The following CSPG4 variants were observed in gnomAD, a reference collection of about 807,000 sequenced individuals.
The protein encoded by CSPG4 is chondroitin sulfate proteoglycan 4 (melanoma-associated).
In CSPG4, 74 loss-of-function variants were observed where a neutral mutation model predicts 139.3. That is an observed-to-expected ratio of 0.53 (90% CI 0.44 to 0.64). The LOEUF (loss-of-function observed/expected upper bound fraction) is 0.64. CSPG4 is among the 30% of genes least tolerant of loss of function. The pLI, the probability that CSPG4 is intolerant of heterozygous loss-of-function variation, is 0.00. For synonymous variants in CSPG4, 1,234 were observed against 1,394.2 expected (o/e 0.89, Z 2.56); for missense variants, 2,565 against 3,148.3 (o/e 0.81, Z 4.43).
At chr15:75,677,563 CTTCCCCACTCACCCTCCCTG>C in intron 9 of CSPG4, 120 bp downstream of exon 9, 1 of 1,211,044 alleles carries the variant, frequency 8.3e-7, no homozygotes, top group Non-Finnish European at 1.1e-6. Flanking sequence ...GATGTCAAAG[CTTCCCCACTCACCCTCCCTG>C]TGACTTCCCA....
chr15:75,689,809 G>A lies in CSPG4; in HGVS notation c.1256C>T (p.Pro419Leu). 1.2e-6 allele frequency: 2 copies of A among 1,612,742 alleles called. No homozygotes were observed. Among genetic ancestry groups the A allele is most frequent in the Admixed American group, 1.7e-5 (1 of 60,014 alleles). Residue 419 changes from proline to leucine, a missense_variant, in exon 3 of 10, where the codon CCA (proline) becomes CTA (leucine). Transcript: ENST00000308508. Reference sequence around the variant, plus strand: ...ATTGGCAAAGACAGGAGGCAGCCCTGGCTCAGGCACGCATGGCTCAGGCAG... The same window carrying A: ...ATTGGCAAAGACAGGAGGCAGCCCTAGCTCAGGCACGCATGGCTCAGGCAG... ...MELPEPCVPEPGLPPVFANFT... is the reference protein window; with the variant it reads ...MELPEPCVPELGLPPVFANFT...
chr15:75,684,683 C>T (rs941642800), intron 5 of CSPG4, 53 bp downstream of exon 5: 11 of 1,561,332 alleles, frequency 7.0e-6, no homozygotes, highest in African/African-American at 6.8e-5. Flanking sequence ...AAGTAGGGGA[C>T]GCTGGCCTCT....
Position 75,689,174 on chromosome 15 carries a change from G to A in CSPG4, c.1891C>T (p.Arg631Cys), listed in dbSNP as rs562100526. The change falls in exon 3 of 10, where the codon CGC becomes TGC. Residue 631 changes from arginine (R) to cysteine (C), a missense_variant. By Grantham distance (180) the Arg-to-Cys change is radical. This residue lies in a region of CSPG4 where 2,316 missense variants were observed against 2,818.2 expected (regional missense o/e 0.82). Coordinates refer to ENST00000308508, the MANE Select transcript of CSPG4 (RefSeq NM_001897.5). ...GTCAAGTCCTGTGCAGGACCACCGC[G>A]GTGGACATAGACTAGGCTGCCGGCC... ...LEAGSLVYVH[R>C]GGPAQDLTFR... The A allele has an allele frequency of 2.1e-5, 34 of 1,603,428 alleles. No individual in the cohort carries two copies. Among genetic ancestry groups the A allele is most frequent in the Admixed American group, 6.7e-5 (4 of 59,620 alleles).
At position 75,696,798 on chromosome 15, in the gene CSPG4, G is replaced by C. The variant is rs1346198624; in HGVS notation, c.89-3565C>G. On this transcript the variant is annotated intron_variant, in intron 1 of 9. Coordinates refer to ENST00000308508, the MANE Select transcript of CSPG4 (RefSeq NM_001897.5). This position sits in a 1 kb window ranked among gnomAD's most constrained non-coding sequence, Gnocchi z 4.2. ...CCTTCTTCCTGAGATCTAGGCCTGG[G>C]GGCACAGAAAAAGCCTGTTTCCTTC... is the stretch of plus-strand genomic sequence containing the variant. 6.6e-6 allele frequency among the ~76,000 whole-genome samples: 1 copy of C among 152,174 alleles called. No individual in the cohort carries two copies. The highest frequency in any genetic ancestry group is 2.4e-5 in the African/African-American group (1 of 41,434).
At chr15:75,706,299 C>T (rs545471040) in intron 1 of CSPG4, among the ~76,000 whole-genome samples, 8 of 152,340 alleles carry the variant, frequency 5.3e-5, no homozygotes, top group Non-Finnish European at 1.0e-4. Context: ...GAACGAGGCA[C>T]TGTGTCCTGA....
chr15:75,682,847 G>A lies in CSPG4; in HGVS notation c.4644C>T (p.His1548=). ...GGCCCGGCCCTCAGCACCCACCTCT[G>A]TGTGAGAACAGCACGAGCCCGCCGT... is the stretch of plus-strand genomic sequence containing the variant. The part of the protein sequence containing the change: ...QLDGGLVLFS[H]RGTLDGGFRF... Residue 1548 remains histidine, a synonymous_variant, in exon 6 of 10, where the codon CAC becomes CAT. Transcript: ENST00000308508. The A allele has an allele frequency of 6.2e-7, 1 of 1,609,448 alleles. No individual in the cohort carries two copies. Among genetic ancestry groups the A allele is most frequent in the Non-Finnish European group, 8.5e-7 (1 of 1,178,866 alleles).
At chr15:75,704,690 C>T (rs981976097) in intron 1 of CSPG4, among the ~76,000 whole-genome samples, 1 of 152,178 alleles carries the variant, frequency 6.6e-6, no homozygotes, top group Non-Finnish European at 1.5e-5. Flanking sequence ...GCTGTGCACC[C>T]CACTCTGCAG....
Position 75,688,154 on chromosome 15 carries a change from C to T in CSPG4, c.2911G>A (p.Val971Ile). Reference protein sequence around the residue: ...TNEDLLRGRLVYQHDDSETTE... With the variant: ...TNEDLLRGRLIYQHDDSETTE... ...GTCTCGGAGTCATCATGCTGGTAGA[C>T]CAGCCGGCCACGCAACAGGTCTTCA... is the stretch of plus-strand genomic sequence containing the variant. Residue 971 changes from valine (V) to isoleucine (I), a missense_variant, in exon 3 of 10, where the codon GTC becomes ATC. By Grantham distance (29) the Val-to-Ile change is conservative. Transcript: ENST00000308508. 1 of 1,612,808 alleles carries T rather than the reference C, an allele frequency of 6.2e-7. No individual in the cohort carries two copies.
rs1429492306 is a variant in CSPG4 at position 75,688,592 on chromosome 15, C to T, written c.2473G>A (p.Val825Met). 1.2e-6 allele frequency: 2 copies of T among 1,612,886 alleles called. No individual in the cohort carries two copies. Among genetic ancestry groups the T allele is most frequent in the Non-Finnish European group, 8.5e-7 (1 of 1,179,976 alleles). The change falls in exon 3 of 10, where the codon GTG becomes ATG. Residue 825 changes from valine (V) to methionine (M), a missense_variant. By Grantham distance (21) the Val-to-Met change is conservative. Coordinates refer to ENST00000308508, the MANE Select transcript of CSPG4 (RefSeq NM_001897.5). The stretch of plus-strand genomic sequence containing the variant: ...TTGCCTTTCCTGGGAGCCTGAACCA[C>T]CTCATAATGGAAGGTTGGGGGGCTT... ...GPSPPTFHYEVVQAPRKGNLQ... is the reference protein window; with the variant it reads ...GPSPPTFHYEMVQAPRKGNLQ...
rs1893862952 is a variant in CSPG4 at position 75,674,600 on chromosome 15, A to G, written c.*950T>C. The stretch of plus-strand genomic sequence containing the variant: ...GCAGACAAGGGCCCAGTGCATAGTT[A>G]AGACACAAACACCACACAGCTGTCC... On this transcript the variant is annotated 3_prime_UTR_variant, in exon 10 of 10. Coordinates refer to ENST00000308508, the MANE Select transcript of CSPG4 (RefSeq NM_001897.5). 6 of 397,538 alleles carry G rather than the reference A, an allele frequency of 1.5e-5. No individual in the cohort carries two copies. In the East Asian group the frequency reaches 2.1e-4, roughly 14 times the overall value. 24.6% of individuals were successfully genotyped at this position (397,538 alleles called of 1,614,324 possible).
intron 5 of CSPG4, 29 bp from the exon 6 acceptor site, chr15:75,683,070 C>T: frequency 6.3e-7 from 1 of 1,594,692 alleles, no homozygotes; most frequent in Non-Finnish European, 8.5e-7. Flanking sequence ...GAAGGTTCTG[C>T]CTTGCCGCAC....
Position 75,675,807 on chromosome 15 carries a change from G to A in CSPG4, c.6712C>T (p.Leu2238Phe). Residue 2238 changes from leucine to phenylalanine, a missense_variant, in exon 10 of 10, where the codon CTC becomes TTC. Leu to Phe is a conservative substitution (Grantham distance 22). Coordinates refer to ENST00000308508, the MANE Select transcript of CSPG4 (RefSeq NM_001897.5). ...PMCLVLLLLA[L>F]ILPLLFYLRK... ...AGGTAGAAGAGCAGGGGCAGGATGA[G>A]CGCCAGGAGCAGAAGTACCAGGCAC... 6.2e-7 allele frequency: 1 copy of A among 1,613,464 alleles called. No homozygotes were observed. Among genetic ancestry groups the A allele is most frequent in the South Asian group, 1.1e-5 (1 of 91,088 alleles).
intron 8 of CSPG4, among the ~76,000 whole-genome samples, chr15:75,680,947 G>A (rs11636280): frequency 0.45 from 68,434 of 151,974 alleles, 16,411 homozygotes; most frequent in Middle Eastern, 0.55. Flanking sequence ...TGTCCATTCA[G>A]TCTAGTCCTT....
rs184919541 is a variant in CSPG4, at chr15:75,698,487, C to A, written c.89-5254G>T. Among the ~76,000 whole-genome samples the A allele has an allele frequency of 3.3e-5, 5 of 152,020 alleles. No individual in the cohort carries two copies. The East Asian group carries it at 9.7e-4, about 30-fold the overall frequency. On this transcript the variant is annotated intron_variant, in intron 1 of 9. Coordinates refer to ENST00000308508, the MANE Select transcript of CSPG4 (RefSeq NM_001897.5). The surrounding 1 kb of genome is among the most constrained non-coding windows in gnomAD (Gnocchi z 4.3). ...CCCCTTGCACCTCCAAGGGACTCCC[C>A]GATTTTACTTCCGCCACCAATCTAC...
In CSPG4 at chr15:75,687,586, C is replaced by T. The variant is rs1473447773; in HGVS notation, c.3479G>A (p.Ser1160Asn). The T allele has an allele frequency of 6.2e-7, 1 of 1,610,768 alleles. No homozygotes were observed. The highest frequency in any genetic ancestry group is 1.7e-5 in the Admixed American group (1 of 59,930). ...LHLDTNLDIR[S>N]GDEVHYHVTA... The stretch of plus-strand genomic sequence containing the variant: ...GACGTGGTAGTGGACCTCATCCCCA[C>T]TGCGGATGTCGAGGTTGGTGTCCAG... Residue 1160 changes from serine (S) to asparagine (N), a missense_variant, in exon 3 of 10, where the codon AGT (serine) becomes AAT (asparagine). Transcript: ENST00000308508. This position sits in a 1 kb window ranked among gnomAD's most constrained non-coding sequence, Gnocchi z 5.4.
chr15:75,702,861 T>C (rs1275948581), intron 1 of CSPG4, among the ~76,000 whole-genome samples: 2 of 151,196 alleles, frequency 1.3e-5, no homozygotes, highest in Non-Finnish European at 3.0e-5. Context: ...TGCTCTAGCA[T>C]GGACTGGGAG....
At chr15:75,691,766 G>A (rs973287921) in intron 2 of CSPG4, among the ~76,000 whole-genome samples, 1 of 152,186 alleles carries the variant, frequency 6.6e-6, no homozygotes, top group African/African-American at 2.4e-5. Flanking sequence ...AGAATGGGAG[G>A]TGGCAGAGTA....
intron 1 of CSPG4, among the ~76,000 whole-genome samples, chr15:75,702,027 C>T (rs143745967): frequency 2.6e-5 from 4 of 152,158 alleles, no homozygotes; most frequent in Non-Finnish European, 5.9e-5. Context: ...CCACCGTCCT[C>T]GGTCTGGCTT....
intron 1 of CSPG4, among the ~76,000 whole-genome samples, chr15:75,709,960 G>A (rs955584854): frequency 1.4e-4 from 21 of 151,954 alleles, no homozygotes; most frequent in Admixed American, 7.8e-4. Flanking sequence ...GCCCTGCTCC[G>A]GAGGCCTGGG....
Sources: gnomAD v4.1 joint callset for allele counts (sites outside exome capture counted in the v4.1 genomes callset) on GRCh38, gnomAD v4.1.1 for gene constraint, gnomAD v4.1.1 regional missense constraint, Gnocchi (gnomAD v3.1) non-coding constraint, MANE v1.5 for transcripts, NCBI Gene and HGNC (gene_info 2026-07-23, HGNC 2026-07-21) for gene names.